SSB: variants seen among roughly 807,000 people sequenced by gnomAD.
SSB encodes the protein lupus La protein.
Under a neutral mutation model 52.9 loss-of-function variants are expected in SSB, and 17 were observed. The observed-to-expected ratio is 0.32, with a 90% CI of 0.22 to 0.48. SSB has a LOEUF of 0.48. Ranked by LOEUF, SSB falls within the 20% of genes least tolerant of loss-of-function variation. The pLI is 0.99. For missense variants in SSB, 314 were observed against 463.6 expected, an observed-to-expected ratio of 0.68 and a Z score of 2.96; for synonymous variants, 111 against 152.1, an observed-to-expected ratio of 0.73 and a Z score of 1.99.
chr2:169,806,768 C>T lies in SSB; in HGVS notation c.346-17C>T, dbSNP rs1689837995. 2 of 1,567,226 alleles carry T rather than the reference C, an allele frequency of 1.3e-6. No homozygotes were observed. The highest frequency in any genetic ancestry group is 2.7e-5 in the African/African-American group (2 of 73,028). On this transcript the variant is annotated splice_polypyrimidine_tract_variant and intron_variant, in intron 4 of 11. Transcript: ENST00000260956. Reference sequence around the variant, plus strand: ...GTCATTATTTGTTATTTGTACATTTCTTCCCACTCTTCACAGAAAGGCTTC... The same window carrying T: ...GTCATTATTTGTTATTTGTACATTTTTTCCCACTCTTCACAGAAAGGCTTC...
intron 8 of SSB, 167 bp downstream of exon 8, chr2:169,809,069 G>A (rs940734872): frequency 1.8e-5 from 12 of 671,202 alleles, no homozygotes; most frequent in Admixed American, 4.4e-5. Context: ...GAAAACTAAG[G>A]ATAGGAAATA....
chr2:169,811,992 T>C lies in SSB; in HGVS notation c.*236T>C. On this transcript the variant is annotated 3_prime_UTR_variant, in exon 12 of 12. Coordinates refer to ENST00000260956, the MANE Select transcript of SSB (RefSeq NM_003142.5). ...TCAAAAGGAAGATTCTTCCATTAAA[T>C]TGCCTTTGTAATATGAGAATGTATT... The C allele has an allele frequency of 9.6e-7, 1 of 1,044,170 alleles. No individual in the cohort carries two copies. The highest frequency in any genetic ancestry group is 1.6e-5 in the African/African-American group (1 of 61,780). The allele number at this position is 1,044,170 out of a possible 1,614,324, so 64.7% of individuals were successfully genotyped here.
chr2:169,811,979 T>G lies in SSB; in HGVS notation c.*223T>G. On this transcript the variant is annotated 3_prime_UTR_variant, in exon 12 of 12. Coordinates refer to ENST00000260956, the MANE Select transcript of SSB (RefSeq NM_003142.5). ...GATGATTCAAATATCAAAAGGAAGATTCTTCCATTAAATTGCCTTTGTAAT... is the reference window on the plus strand; with the variant it reads ...GATGATTCAAATATCAAAAGGAAGAGTCTTCCATTAAATTGCCTTTGTAAT... 1 of 1,162,022 alleles carries G rather than the reference T, an allele frequency of 8.6e-7. No individual in the cohort carries two copies. The highest frequency in any genetic ancestry group is 1.5e-5 in the South Asian group (1 of 68,456). 72.0% of individuals were successfully genotyped at this position (1,162,022 alleles called of 1,614,324 possible).
rs1284349421 is a variant in SSB, at chr2:169,811,209, G to A, written c.1024G>A (p.Gly342Ser). 1 of 1,610,944 alleles carries A rather than the reference G, an allele frequency of 6.2e-7. No individual in the cohort carries two copies. The highest frequency in any genetic ancestry group is 8.5e-7 in the Non-Finnish European group (1 of 1,179,424). The part of the protein sequence containing the change: ...KGRRFKGKGK[G>S]NKAAQPGSGK... ...TCGTAGATTTAAAGGAAAAGGAAAG[G>A]GTAATAAAGCTGCCCAGCCTGGGTC... Residue 342 changes from glycine to serine, a missense_variant, in exon 11 of 12, where the codon GGT (glycine) becomes AGT (serine). Coordinates refer to ENST00000260956, the MANE Select transcript of SSB (RefSeq NM_003142.5).
intron 9 of SSB, 77 bp downstream of exon 9, chr2:169,810,500 AT>A: frequency 7.5e-7 from 1 of 1,326,244 alleles, no homozygotes; most frequent in Non-Finnish European, 1.0e-6. Context: ...GTAGAAAGTA[AT>A]TTTAAAAATT....
chr2:169,807,114 T>C, intron 6 of SSB, 43 bp downstream of exon 6: 2 of 1,513,482 alleles, frequency 1.3e-6, no homozygotes, highest in African/African-American at 1.4e-5. Context: ...TTTACTTATA[T>C]GGACACACAC....
At chr2:169,802,015 C>G (rs1346146611) in intron 2 of SSB, among the ~76,000 whole-genome samples, 2 of 152,044 alleles carry the variant, frequency 1.3e-5, no homozygotes, top group South Asian at 2.1e-4. Flanking sequence ...GGCCCCATCT[C>G]TACAAAAAAA....
rs763659087 is a variant in SSB, at chr2:169,805,589, T to A, written c.170+12T>A. 9.3e-6 allele frequency: 15 copies of A among 1,612,492 alleles called. No individual in the cohort carries two copies. The highest frequency in any genetic ancestry group is 1.2e-5 in the Non-Finnish European group (14 of 1,179,142). ...ATAAAATTCAACAGGTAACAAGCTT[T>A]TAAAAATAATCTTTAGGTTTTCTGT... On this transcript the variant is annotated intron_variant, in intron 3 of 11. Coordinates refer to ENST00000260956, the MANE Select transcript of SSB (RefSeq NM_003142.5).
At chr2:169,805,943 C>T in intron 4 of SSB, 104 bp downstream of exon 4, 1 of 1,095,754 alleles carries the variant, frequency 9.1e-7, no homozygotes, top group Non-Finnish European at 1.3e-6. Flanking sequence ...TACTGTATGT[C>T]CTTTCGTAAT....
rs922641174 is a variant in SSB at position 169,812,006 on chromosome 2, T to C, written c.*250T>C. On this transcript the variant is annotated 3_prime_UTR_variant, in exon 12 of 12. Transcript: ENST00000260956. ...CTTCCATTAAATTGCCTTTGTAATA[T>C]GAGAATGTATTAGTACAAACTAACT... 3.5e-6 allele frequency: 3 copies of C among 859,816 alleles called. No individual in the cohort carries two copies. Among genetic ancestry groups the C allele is most frequent in the South Asian group, 1.7e-5 (1 of 57,216 alleles). 53.3% of individuals were successfully genotyped at this position (859,816 alleles called of 1,614,324 possible).
intron 4 of SSB, 168 bp downstream of exon 4, chr2:169,806,007 G>C (rs1262035251): frequency 1.3e-6 from 1 of 755,914 alleles, no homozygotes; most frequent in African/African-American, 1.7e-5. Context: ...GTCTCATCCT[G>C]TTGCTCACGT....
At chr2:169,801,764 C>T (rs886592031) in intron 2 of SSB, among the ~76,000 whole-genome samples, 8 of 152,040 alleles carry the variant, frequency 5.3e-5, no homozygotes, top group African/African-American at 1.9e-4. Context: ...GAACTCCAGA[C>T]CTCAGGTGAT....
chr2:169,799,234 G>A (rs974377730), intron 1 of SSB: 2 of 151,166 alleles, frequency 1.3e-5, no homozygotes, highest in African/African-American at 4.9e-5. Flanking sequence ...CAGTTCCGCG[G>A]TTGCTTAGAG....
At chr2:169,805,217 C>T (rs1156570126) in intron 2 of SSB, among the ~76,000 whole-genome samples, 2 of 152,112 alleles carry the variant, frequency 1.3e-5, no homozygotes, top group African/African-American at 4.8e-5. Flanking sequence ...TTTGCAAGAG[C>T]CTTTTCATAT....
intron 2 of SSB, among the ~76,000 whole-genome samples, chr2:169,802,483 A>G (rs1487990044): frequency 6.7e-6 from 1 of 149,374 alleles, no homozygotes; most frequent in South Asian, 2.1e-4. Context: ...TTTGGTATTA[A>G]TTTCTTTATG....
chr2:169,810,672 TA>T (rs1284853522), intron 9 of SSB, 185 bp from the exon 10 acceptor site: 1 of 671,366 alleles, frequency 1.5e-6, no homozygotes, highest in Non-Finnish European at 2.5e-6. Flanking sequence ...ATACTATGAA[TA>T]ACTGTTCATA....
In SSB at chr2:169,805,070, C is replaced by T. The variant is rs1034200611; in HGVS notation, c.67-404C>T. ...ACTTGAACCTGGGAAGCGGAGGTTG[C>T]GGCAAGCTGAGTTCATGCCACTGCA... is the stretch of plus-strand genomic sequence containing the variant. On this transcript the variant is annotated intron_variant, in intron 2 of 11. Coordinates refer to ENST00000260956, the MANE Select transcript of SSB (RefSeq NM_003142.5). Among the ~76,000 whole-genome samples the T allele has an allele frequency of 9.9e-5, 15 of 152,130 alleles. No individual in the cohort carries two copies. In the East Asian group the frequency reaches 2.7e-3, roughly 28 times the overall value.
chr2:169,810,243 C>G, intron 8 of SSB, 40 bp from the exon 9 acceptor site: 1 of 1,534,946 alleles, frequency 6.5e-7, no homozygotes, highest in Non-Finnish European at 8.8e-7. Context: ...TCTGTTGTTG[C>G]TTTTAAGAAA....
intron 8 of SSB, 25 bp from the exon 9 acceptor site, chr2:169,810,258 T>C: frequency 1.9e-6 from 3 of 1,571,464 alleles, no homozygotes; most frequent in Non-Finnish European, 2.6e-6. Context: ...AAGAAACTTT[T>C]TGATCACTTT....
Sources: gnomAD v4.1 joint callset for allele counts (sites outside exome capture counted in the v4.1 genomes callset) on GRCh38, gnomAD v4.1.1 for gene constraint, MANE v1.5 for transcripts, NCBI Gene and HGNC (gene_info 2026-07-23, HGNC 2026-07-21) for gene names.